The following CAMK2D variants were observed in gnomAD, a reference collection of about 807,000 sequenced individuals.
CAMK2D encodes calcium/calmodulin dependent protein kinase II delta.
Under a neutral mutation model 84.0 loss-of-function variants are expected in CAMK2D, and 37 were observed. The ratio of observed to expected loss-of-function variants is 0.44; its 90% CI spans 0.34 to 0.58. The LOEUF (loss-of-function observed/expected upper bound fraction) is 0.58, where lower values mean the gene tolerates loss of function less well. CAMK2D is among the 20% of genes least tolerant of loss of function. The pLI, the probability that CAMK2D is intolerant of heterozygous loss-of-function variation, is 0.02. For synonymous variants in CAMK2D, 202 were observed against 212.5 expected, an observed-to-expected ratio of 0.95 and a Z score of 0.43; for missense variants, 448 against 652.5, an observed-to-expected ratio of 0.69 and a Z score of 3.41.
chr4:113,611,004 A>G (rs2098997837), intron 3 of CAMK2D, among the ~76,000 whole-genome samples: 1 of 151,672 alleles, frequency 6.6e-6, no homozygotes, highest in African/African-American at 2.4e-5. Flanking sequence ...TTGGGATGGA[A>G]ATTTTCACCA....
chr4:113,486,237 C>T (rs1023243204), intron 16 of CAMK2D, among the ~76,000 whole-genome samples: 1 of 151,954 alleles, frequency 6.6e-6, no homozygotes, highest in African/African-American at 2.4e-5. Flanking sequence ...CTCCTCTTGC[C>T]TCAGCCTCTC....
intron 3 of CAMK2D, among the ~76,000 whole-genome samples, chr4:113,628,997 T>C (rs952058957): frequency 6.6e-6 from 1 of 151,996 alleles, no homozygotes; most frequent in Non-Finnish European, 1.5e-5. Flanking sequence ...ACGTAAATAA[T>C]ATTTATTTCT....
At chr4:113,573,991 A>T (rs2098767646) in intron 4 of CAMK2D, among the ~76,000 whole-genome samples, 1 of 152,172 alleles carries the variant, frequency 6.6e-6, no homozygotes, top group South Asian at 2.1e-4. Context: ...TCTTCAGTAG[A>T]TGTCTCATGG....
chr4:113,712,816 C>A (rs1471023534), intron 2 of CAMK2D, among the ~76,000 whole-genome samples: 1 of 151,812 alleles, frequency 6.6e-6, no homozygotes, highest in African/African-American at 2.4e-5. Flanking sequence ...ATACATAAAC[C>A]CTCAAGCCTC....
At chr4:113,689,922 T>C (rs1480178830) in intron 2 of CAMK2D, among the ~76,000 whole-genome samples, 1 of 152,188 alleles carries the variant, frequency 6.6e-6, no homozygotes, top group African/African-American at 2.4e-5. Context: ...CTTCAAAGTC[T>C]AGAAAAGTGC....
At chr4:113,468,723 T>C (rs1589771981) in intron 16 of CAMK2D, among the ~76,000 whole-genome samples, 1 of 152,288 alleles carries the variant, frequency 6.6e-6, no homozygotes, top group Middle Eastern at 3.4e-3. Context: ...GCCTTCCCTC[T>C]TCCTGAACAC....
chr4:113,610,746 C>T (rs2098996588), intron 3 of CAMK2D, among the ~76,000 whole-genome samples: 3 of 152,118 alleles, frequency 2.0e-5, no homozygotes, highest in Non-Finnish European at 4.4e-5. Context: ...AATGTAAGCA[C>T]ACTGCAGTCC....
chr4:113,603,912 T>C (rs549042720), intron 4 of CAMK2D, among the ~76,000 whole-genome samples: 227 of 149,044 alleles, frequency 1.5e-3, no homozygotes, highest in African/African-American at 4.9e-3. Flanking sequence ...CTGGGCAACA[T>C]AGCAAGACCC....
intron 16 of CAMK2D, among the ~76,000 whole-genome samples, chr4:113,471,830 G>A (rs1297062868): frequency 6.6e-6 from 1 of 151,386 alleles, no homozygotes; most frequent in Non-Finnish European, 1.5e-5. Context: ...TCCTCTCATG[G>A]TCTAGAAGCT....
chr4:113,537,010 C>G (rs1004295039), intron 7 of CAMK2D, among the ~76,000 whole-genome samples: 2 of 152,140 alleles, frequency 1.3e-5, no homozygotes, highest in East Asian at 1.9e-4. Context: ...TGCAAACAAT[C>G]AACTTTCTTT....
At chr4:113,518,810 G>A (rs1010482063) in intron 8 of CAMK2D, among the ~76,000 whole-genome samples, 4 of 152,066 alleles carry the variant, frequency 2.6e-5, no homozygotes, top group Non-Finnish European at 5.9e-5. Context: ...TTATACAATA[G>A]ACACTGTAGC....
intron 3 of CAMK2D, among the ~76,000 whole-genome samples, chr4:113,644,536 A>C (rs1001522875): frequency 6.6e-6 from 1 of 152,198 alleles, no homozygotes; most frequent in Admixed American, 6.5e-5. Context: ...GAGCTTTATC[A>C]TGAGGCAAGA....
intron 2 of CAMK2D, among the ~76,000 whole-genome samples, chr4:113,741,498 A>T (rs1166452127): frequency 6.6e-6 from 1 of 152,134 alleles, no homozygotes; most frequent in African/African-American, 2.4e-5. Context: ...GTATAGGAAA[A>T]ATACAGTATA....
In CAMK2D at chr4:113,494,508, C is replaced by T. The variant is rs998006823; in HGVS notation, c.1135+5955G>A. Among the ~76,000 whole-genome samples the T allele has an allele frequency of 2.6e-5, 4 of 152,204 alleles. No individual in the cohort carries two copies. In the South Asian group the frequency reaches 6.2e-4, roughly 24 times the overall value. ...GGCAGTCTGCCTGTTCTCAGATCTC[C>T]AGCTGCGTGCTGGGAGAACCACTGC... On this transcript the variant is annotated intron_variant, in intron 16 of 20. Transcript: ENST00000511664.
intron 3 of CAMK2D, among the ~76,000 whole-genome samples, chr4:113,645,142 G>A (rs2099146557): frequency 6.6e-6 from 1 of 152,056 alleles, no homozygotes; most frequent in Admixed American, 6.5e-5. Flanking sequence ...TTAGCCTCCT[G>A]AGTAGCTGGG....
At chr4:113,484,079 T>G (rs1589966842) in intron 16 of CAMK2D, among the ~76,000 whole-genome samples, 2 of 152,270 alleles carry the variant, frequency 1.3e-5, no homozygotes, top group East Asian at 3.9e-4. Context: ...ATTACAGACT[T>G]GTTGAAAATT....
chr4:113,757,524 C>T (rs771377162), intron 2 of CAMK2D, among the ~76,000 whole-genome samples: 7 of 151,982 alleles, frequency 4.6e-5, no homozygotes, highest in Non-Finnish European at 1.0e-4. Context: ...CTCTTAGGTA[C>T]GTTAACCTAC....
rs2097277107 is a variant in CAMK2D, at chr4:113,454,098, A to AC, written c.*446_*447insG. The AC allele has an allele frequency of 6.5e-6, 1 of 152,762 alleles. No homozygotes were observed. Among genetic ancestry groups the AC allele is most frequent in the Non-Finnish European group, 1.5e-5 (1 of 68,644 alleles). 9.5% of individuals were successfully genotyped at this position (152,762 alleles called of 1,614,324 possible). A position where few individuals can be genotyped will look rare whatever the true frequency, so the allele number is the denominator to read the frequency against. On this transcript the variant is annotated 3_prime_UTR_variant, in exon 21 of 21. Transcript: ENST00000511664. ...TTTTTTTTTACCTTAAAAAAAAAAA[A>AC]AAAAACCAAACAAACCAAAACAGAT...
intron 2 of CAMK2D, among the ~76,000 whole-genome samples, chr4:113,694,745 T>C (rs1045353306): frequency 1.3e-5 from 2 of 152,180 alleles, no homozygotes; most frequent in African/African-American, 4.8e-5. Flanking sequence ...TTAATAAGCT[T>C]TTCCTTATAA....
Sources: allele counts gnomAD v4.1 joint callset (sites outside exome capture counted in the v4.1 genomes callset), GRCh38; gene constraint gnomAD v4.1.1; transcripts MANE v1.5; gene names NCBI Gene and HGNC (gene_info 2026-07-23, HGNC 2026-07-21).